Variants in EPHA3 observed in about 807,000 individuals in gnomAD.
EPHA3 encodes EPH receptor A3.
EPHA3 carries 42 observed loss-of-function variants against 107.1 expected under a neutral mutation model. That is an observed-to-expected ratio of 0.39 (90% CI 0.31 to 0.51). The LOEUF (loss-of-function observed/expected upper bound fraction) is 0.51. Ranked by LOEUF, EPHA3 falls within the 20% of genes least tolerant of loss-of-function variation. EPHA3 has a pLI of 0.78. For synonymous variants in EPHA3, 461 were observed against 424.8 expected (o/e 1.09, Z -1.05); for missense variants, 1,183 against 1,211.2 (o/e 0.98, Z 0.35).
intron 3 of EPHA3, among the ~76,000 whole-genome samples, chr3:89,316,384 G>T (rs1257746487): frequency 6.6e-6 from 1 of 151,034 alleles, no homozygotes; most frequent in Non-Finnish European, 1.5e-5. Context: ...GCATCACTGC[G>T]CATTAGTTTC....
chr3:89,342,076 C>A lies in EPHA3; in HGVS notation c.1292C>A (p.Thr431Lys). The A allele has an allele frequency of 6.2e-7, 1 of 1,609,502 alleles. No homozygotes were observed. Among genetic ancestry groups the A allele is most frequent in the East Asian group, 2.2e-5 (1 of 44,796 alleles). Residue 431 changes from threonine to lysine, a missense_variant, in exon 5 of 17, where the codon ACA becomes AAA. Coordinates refer to ENST00000336596, the MANE Select transcript of EPHA3 (RefSeq NM_005233.6). Reference sequence around the variant, plus strand: ...AGACAGTTTGCTGCGGTCAGCATCACAACTAATCAGGCTGGTGAGTACATA... The same window carrying A: ...AGACAGTTTGCTGCGGTCAGCATCAAAACTAATCAGGCTGGTGAGTACATA... ...PPRQFAAVSITTNQAAPSPVL... is the reference protein window; with the variant it reads ...PPRQFAAVSIKTNQAAPSPVL...
chr3:89,374,520 C>T (rs1708366283), intron 5 of EPHA3, among the ~76,000 whole-genome samples: 1 of 151,926 alleles, frequency 6.6e-6, no homozygotes, highest in African/African-American at 2.4e-5. Flanking sequence ...CTGTTTTATA[C>T]TGTTATACAC....
At chr3:89,357,664 T>C (rs1272608827) in intron 5 of EPHA3, among the ~76,000 whole-genome samples, 1 of 151,160 alleles carries the variant, frequency 6.6e-6, no homozygotes, top group African/African-American at 2.4e-5. Context: ...GTAAAGCTTG[T>C]TTTATTTCTC....
intron 3 of EPHA3, among the ~76,000 whole-genome samples, chr3:89,226,896 A>T (rs1357894699): frequency 6.6e-6 from 1 of 152,080 alleles, no homozygotes; most frequent in Non-Finnish European, 1.5e-5. Flanking sequence ...CTTCATATAC[A>T]TTCCATTGCA....
At chr3:89,192,036 G>T (rs1231797997) in intron 2 of EPHA3, among the ~76,000 whole-genome samples, 1 of 151,952 alleles carries the variant, frequency 6.6e-6, no homozygotes, top group Non-Finnish European at 1.5e-5. Flanking sequence ...TTAATCTTTT[G>T]GCAGCTCCCT....
chr3:89,132,238 G>A (rs1704221764), intron 2 of EPHA3, among the ~76,000 whole-genome samples: 1 of 152,136 alleles, frequency 6.6e-6, no homozygotes, highest in Admixed American at 6.5e-5. Context: ...AGCCAGCATG[G>A]AACCTTGATA....
At chr3:89,309,320 G>A (rs1706709130) in intron 3 of EPHA3, among the ~76,000 whole-genome samples, 1 of 152,136 alleles carries the variant, frequency 6.6e-6, no homozygotes, top group Non-Finnish European at 1.5e-5. Flanking sequence ...GGGAATAGGA[G>A]AGAATATTGT....
chr3:89,210,006 G>T lies in EPHA3; in HGVS notation c.300G>T (p.Lys100Asn), dbSNP rs1294076209. Residue 100 changes from lysine to asparagine, a missense_variant, in exon 3 of 17, where the codon AAG (lysine) becomes AAT (asparagine). Transcript: ENST00000336596. Reference protein sequence around the residue: ...NSAQKIYVELKFTLRDCNSIP... With the variant: ...NSAQKIYVELNFTLRDCNSIP... ...CTCAGAAGATTTATGTGGAGCTCAA[G>T]TTCACTCTACGAGACTGCAATAGCA... 6.2e-7 allele frequency: 1 copy of T among 1,614,012 alleles called. No homozygotes were observed. Among genetic ancestry groups the T allele is most frequent in the Non-Finnish European group, 8.5e-7 (1 of 1,179,948 alleles).
chr3:89,256,026 G>C (rs1468706108), intron 3 of EPHA3, among the ~76,000 whole-genome samples: 1 of 152,192 alleles, frequency 6.6e-6, no homozygotes, highest in Middle Eastern at 3.4e-3. Context: ...AGGAGTTCGA[G>C]ACCAGTCTGT....
chr3:89,109,693 C>T (rs1323512197), intron 1 of EPHA3, among the ~76,000 whole-genome samples: 1 of 151,910 alleles, frequency 6.6e-6, no homozygotes, highest in African/African-American at 2.4e-5. Flanking sequence ...TAAGCCTCAC[C>T]TCATGTATGT....
intron 2 of EPHA3, among the ~76,000 whole-genome samples, chr3:89,168,333 G>A (rs1326956106): frequency 6.6e-6 from 1 of 151,844 alleles, no homozygotes; most frequent in Non-Finnish European, 1.5e-5. Context: ...TGACAACTGT[G>A]GTATTTTGTT....
intron 3 of EPHA3, among the ~76,000 whole-genome samples, chr3:89,334,303 T>C (rs1559650993): frequency 6.6e-6 from 1 of 152,218 alleles, no homozygotes; most frequent in Non-Finnish European, 1.5e-5. Context: ...TTTTCAAGTA[T>C]ATTTGTTCTC....
chr3:89,415,775 A>C (rs888551712), intron 10 of EPHA3, among the ~76,000 whole-genome samples: 6 of 151,328 alleles, frequency 4.0e-5, no homozygotes, highest in African/African-American at 1.5e-4. Context: ...TATCCTGTGC[A>C]TTCCCATGAT....
intron 5 of EPHA3, among the ~76,000 whole-genome samples, chr3:89,366,729 T>C (rs903514911): frequency 1.3e-5 from 2 of 150,576 alleles, no homozygotes; most frequent in Non-Finnish European, 3.0e-5. Context: ...ACAAAGTCAT[T>C]TATGAAATCT....
chr3:89,241,552 A>G (rs1704896343), intron 3 of EPHA3, among the ~76,000 whole-genome samples: 1 of 152,190 alleles, frequency 6.6e-6, no homozygotes, highest in Non-Finnish European at 1.5e-5. Context: ...ACTAATACAT[A>G]GCATTTATTG....
chr3:89,248,586 C>T (rs1224298605), intron 3 of EPHA3, among the ~76,000 whole-genome samples: 4 of 152,154 alleles, frequency 2.6e-5, no homozygotes, highest in Non-Finnish European at 4.4e-5. Flanking sequence ...GGCATAAACA[C>T]TGTATATAAT....
At chr3:89,272,127 G>C (rs1705684360) in intron 3 of EPHA3, among the ~76,000 whole-genome samples, 1 of 151,808 alleles carries the variant, frequency 6.6e-6, no homozygotes, top group African/African-American at 2.4e-5. Context: ...TGTCAGTAAG[G>C]CTTTTGGTCA....
intron 3 of EPHA3, among the ~76,000 whole-genome samples, chr3:89,279,847 G>T (rs968783378): frequency 1.3e-5 from 2 of 152,092 alleles, no homozygotes; most frequent in Non-Finnish European, 2.9e-5. Flanking sequence ...ATTATATGCT[G>T]CATTGGGAAA....
At chr3:89,412,520 T>A (rs1709174833) in intron 9 of EPHA3, among the ~76,000 whole-genome samples, 1 of 151,716 alleles carries the variant, frequency 6.6e-6, no homozygotes. Context: ...ATGTATTATA[T>A]ATACACACCA....
Sources: gnomAD v4.1 joint callset for allele counts (sites outside exome capture counted in the v4.1 genomes callset) on GRCh38, gnomAD v4.1.1 for gene constraint, MANE v1.5 for transcripts, NCBI Gene and HGNC (gene_info 2026-07-23, HGNC 2026-07-21) for gene names.